The following KLF12 variants were observed in gnomAD, a reference collection of about 807,000 sequenced individuals.
KLF12 encodes Krueppel-like factor 12.
In KLF12, 9 loss-of-function variants were observed where a neutral mutation model predicts 37.8. That is an observed-to-expected ratio of 0.24 (90% CI 0.14 to 0.42). The LOEUF (loss-of-function observed/expected upper bound fraction) is 0.42. Ranked by LOEUF, KLF12 falls within the 10% of genes least tolerant of loss-of-function variation. The probability of loss-of-function intolerance (pLI) is 1.00; values close to 1 mark genes in which losing one functional copy is unlikely to be tolerated. For synonymous variants in KLF12, 208 were observed against 202.1 expected, an observed-to-expected ratio of 1.03 and a Z score of -0.25; for missense variants, 411 against 516.0, an observed-to-expected ratio of 0.80 and a Z score of 1.97.
chr13:73,989,519 C>T (rs528908164), intron 2 of KLF12, among the ~76,000 whole-genome samples: 3 of 152,236 alleles, frequency 2.0e-5, no homozygotes, highest in South Asian at 4.1e-4. Flanking sequence ...TCCCTCATGA[C>T]GTGGCAGAAG....
chr13:74,290,867 A>G, the KLF12 span, among the ~76,000 whole-genome samples: 2 of 152,260 alleles, frequency 1.3e-5, no homozygotes, highest in Non-Finnish European at 2.9e-5. Flanking sequence ...TGCACAGCAA[A>G]CGCAACATAG....
In KLF12 at chr13:73,688,667, C is replaced by T. The variant is rs1391673283; in HGVS notation, c.*6823G>A. 1.3e-5 allele frequency: 2 copies of T among 152,176 alleles called. No homozygotes were observed. The highest frequency in any genetic ancestry group is 2.9e-5 in the Non-Finnish European group (2 of 68,046). The allele number at this position is 152,176 out of a possible 1,614,324, so 9.4% of individuals were successfully genotyped here. On this transcript the variant is annotated 3_prime_UTR_variant, in exon 8 of 8. Coordinates refer to ENST00000377669, the MANE Select transcript of KLF12 (RefSeq NM_007249.5). ...TTGCTATTGTTTGTTTATAATGATC[C>T]TTCATGCATGATTTTCCGGGAAAGG...
At chr13:74,243,024 T>G in the KLF12 span, among the ~76,000 whole-genome samples, 2 of 152,196 alleles carry the variant, frequency 1.3e-5, 1 homozygote, top group Non-Finnish European at 2.9e-5. Context: ...TGTGCCATGG[T>G]GGGTTGCTGC....
intron 5 of KLF12, among the ~76,000 whole-genome samples, chr13:73,810,978 CTTTCT>C (rs1882899813): frequency 4.1e-5 from 2 of 48,828 alleles, no homozygotes; most frequent in Non-Finnish European, 8.6e-5. Context: ...TTTAATTTTT[CTTTCT>C]TTTTTTTTTT....
chr13:74,007,550 C>T (rs914633591), intron 1 of KLF12, among the ~76,000 whole-genome samples: 6 of 152,284 alleles, frequency 3.9e-5, no homozygotes, highest in Non-Finnish European at 8.8e-5. Flanking sequence ...GCTGGGATTA[C>T]AGGCGTGAGC....
At chr13:73,861,572 A>G (rs1885927667) in intron 3 of KLF12, among the ~76,000 whole-genome samples, 1 of 152,246 alleles carries the variant, frequency 6.6e-6, no homozygotes, top group African/African-American at 2.4e-5. Context: ...GACAGTTCCC[A>G]TGACAAAGAC....
At chr13:74,218,998 G>A in the KLF12 span, among the ~76,000 whole-genome samples, 282 of 142,200 alleles carry the variant, frequency 2.0e-3, no homozygotes, top group African/African-American at 7.2e-3. Flanking sequence ...GCCTCGCTTT[G>A]TCACTCAGGC....
intron 1 of KLF12, among the ~76,000 whole-genome samples, chr13:74,061,567 G>T (rs904624308): frequency 1.3e-5 from 2 of 152,052 alleles, no homozygotes; most frequent in Non-Finnish European, 2.9e-5. Flanking sequence ...ACACTCTGGG[G>T]TCTCAGTTTC....
At chr13:74,140,073 G>A in the KLF12 span, among the ~76,000 whole-genome samples, 1 of 151,982 alleles carries the variant, frequency 6.6e-6, no homozygotes, top group East Asian at 1.9e-4. Context: ...TTTTGCAATT[G>A]TATTTACATA....
rs1878408845 is a variant in KLF12, at chr13:74,133,825, GCGCGCGCGCA to G, written c.-128_-119del. On this transcript the variant is annotated 5_prime_UTR_variant, in exon 1 of 8. Coordinates refer to ENST00000377669, the MANE Select transcript of KLF12 (RefSeq NM_007249.5). ...CTCTCTCCCTTTCTCTCTCTCACAC[GCGCGCGCGCA>G]CACACACACACACACTCGCACACAC... Among the ~76,000 whole-genome samples the G allele has an allele frequency of 1.7e-5, 1 of 60,572 alleles. No homozygotes were observed. Among genetic ancestry groups the G allele is most frequent in the Non-Finnish European group, 4.5e-5 (1 of 22,342 alleles). The allele number at this position is 60,572 out of a possible 152,430, so 39.7% of individuals were successfully genotyped here.
intron 5 of KLF12, among the ~76,000 whole-genome samples, chr13:73,768,236 G>A (rs765665683): frequency 6.6e-6 from 1 of 152,132 alleles, no homozygotes; most frequent in East Asian, 1.9e-4. Flanking sequence ...CTAGGGCTGC[G>A]AGGTTTAAAT....
chr13:74,153,974 TC>T, the KLF12 span, among the ~76,000 whole-genome samples: 206 of 152,064 alleles, frequency 1.4e-3, no homozygotes, highest in South Asian at 5.2e-3. Context: ...ATGCCTGTAA[TC>T]CCAGCACTTT....
intron 3 of KLF12, among the ~76,000 whole-genome samples, chr13:73,877,069 C>T (rs1886742911): frequency 6.6e-6 from 1 of 151,792 alleles, no homozygotes; most frequent in African/African-American, 2.4e-5. Context: ...CTGTCTTACA[C>T]ATTCTATTCC....
the KLF12 span, among the ~76,000 whole-genome samples, chr13:74,224,327 A>G: frequency 6.6e-6 from 1 of 152,148 alleles, no homozygotes; most frequent in Non-Finnish European, 1.5e-5. Flanking sequence ...CATGTTTCCT[A>G]CATCCTCAGA....
At chr13:74,142,083 A>T in the KLF12 span, among the ~76,000 whole-genome samples, 1 of 152,246 alleles carries the variant, frequency 6.6e-6, no homozygotes, top group Non-Finnish European at 1.5e-5. Flanking sequence ...TATTTTCTGC[A>T]CAATGTGGTC....
chr13:74,301,828 C>T, the KLF12 span, among the ~76,000 whole-genome samples: 9 of 152,148 alleles, frequency 5.9e-5, no homozygotes, highest in Non-Finnish European at 8.8e-5. Context: ...TCGCAGTATT[C>T]TTGCCCGCCC....
rs554484271 is a variant in KLF12, at chr13:73,888,621, T to C, written c.124-42248A>G. ...TTAAAAACAATATGGTAAGTAATCA[T>C]CCAAAAAAATAAGAAAAAGATATAT... is the stretch of plus-strand genomic sequence containing the variant. On this transcript the variant is annotated intron_variant, in intron 3 of 7. Transcript: ENST00000377669. Among the ~76,000 whole-genome samples, 19 of 152,162 alleles carry C rather than the reference T, an allele frequency of 1.2e-4. No individual in the cohort carries two copies. In the East Asian group the frequency reaches 3.1e-3, roughly 25 times the overall value.
chr13:74,215,178 C>T, the KLF12 span, among the ~76,000 whole-genome samples: 25 of 152,134 alleles, frequency 1.6e-4, no homozygotes, highest in Middle Eastern at 3.4e-3. Context: ...TTTTATCATT[C>T]GAACCCACCT....
chr13:73,934,307 C>T (rs1889824095), intron 3 of KLF12, among the ~76,000 whole-genome samples: 2 of 152,146 alleles, frequency 1.3e-5, no homozygotes, highest in Non-Finnish European at 2.9e-5. Context: ...TACCATACCA[C>T]TTCACAAGTG....
Sources: gnomAD v4.1 joint callset for allele counts (sites outside exome capture counted in the v4.1 genomes callset) on GRCh38, gnomAD v4.1.1 for gene constraint, MANE v1.5 for transcripts, NCBI Gene and HGNC (gene_info 2026-07-23, HGNC 2026-07-21) for gene names.